Variants in ADAMTS12 observed in about 807,000 individuals in gnomAD.
ADAMTS12 encodes A disintegrin and metalloproteinase with thrombospondin motifs 12.
A neutral mutation model predicts 167.8 loss-of-function variants in ADAMTS12; 118 were observed. The ratio of observed to expected loss-of-function variants is 0.70; its 90% CI spans 0.61 to 0.82. The LOEUF (loss-of-function observed/expected upper bound fraction) is 0.82. ADAMTS12 is among the 40% of genes least tolerant of loss of function. The probability of loss-of-function intolerance (pLI) is 0.00; values close to 1 mark genes in which losing one functional copy is unlikely to be tolerated. For synonymous variants in ADAMTS12, 704 were observed against 716.9 expected (o/e 0.98, Z 0.29); for missense variants, 1,916 against 1,998.8 (o/e 0.96, Z 0.79).
chr5:33,660,155 G>A (rs1741203852), intron 6 of ADAMTS12, among the ~76,000 whole-genome samples: 1 of 152,170 alleles, frequency 6.6e-6, no homozygotes, highest in African/African-American at 2.4e-5. Flanking sequence ...AGGAGCTGTT[G>A]AGGTTCAACA....
At chr5:33,635,467 G>T (rs140221670) in intron 12 of ADAMTS12, among the ~76,000 whole-genome samples, 23 of 152,248 alleles carry the variant, frequency 1.5e-4, no homozygotes, top group African/African-American at 5.3e-4. Flanking sequence ...CTGAATTTGG[G>T]CAAGTTACAG....
chr5:33,881,560 C>T (rs1750445845), intron 1 of ADAMTS12, 80 bp from the exon 2 acceptor site: 7 of 1,481,042 alleles, frequency 4.7e-6, no homozygotes, highest in African/African-American at 1.7e-5. Flanking sequence ...AACTTGAATG[C>T]TAGCTTTTTT....
intron 3 of ADAMTS12, among the ~76,000 whole-genome samples, chr5:33,698,775 T>C (rs758932403): frequency 2.4e-4 from 36 of 152,194 alleles, no homozygotes; most frequent in Non-Finnish European, 4.4e-4. Context: ...CCGTCTCTAC[T>C]AAAAATACAA....
At chr5:33,559,063 G>C (rs764903408) in intron 20 of ADAMTS12, among the ~76,000 whole-genome samples, 1 of 152,150 alleles carries the variant, frequency 6.6e-6, no homozygotes, top group Non-Finnish European at 1.5e-5. Context: ...CTGTCTGATG[G>C]TAAGTCTGCC....
intron 5 of ADAMTS12, among the ~76,000 whole-genome samples, chr5:33,663,592 G>A: frequency 6.6e-6 from 1 of 152,082 alleles, no homozygotes; most frequent in East Asian, 1.9e-4. Flanking sequence ...TGTATAATAA[G>A]GGAAATTAAA....
At chr5:33,741,121 G>A (rs1234423289) in intron 3 of ADAMTS12, among the ~76,000 whole-genome samples, 3 of 152,306 alleles carry the variant, frequency 2.0e-5, no homozygotes, top group South Asian at 2.1e-4. Context: ...CACACACAGC[G>A]TAACTAAGTG....
chr5:33,568,964 T>A (rs1442489018), intron 19 of ADAMTS12, among the ~76,000 whole-genome samples: 1 of 152,124 alleles, frequency 6.6e-6, no homozygotes, highest in East Asian at 1.9e-4. Flanking sequence ...CCTTGGAGGG[T>A]CCTACGCCCA....
chr5:33,753,464 A>G (rs1407530287), intron 2 of ADAMTS12, among the ~76,000 whole-genome samples: 2 of 152,174 alleles, frequency 1.3e-5, no homozygotes, highest in Admixed American at 1.3e-4. Flanking sequence ...ACAAGAGGAA[A>G]ATGTGAGCCT....
chr5:33,784,120 A>G (rs564849211), intron 2 of ADAMTS12, among the ~76,000 whole-genome samples: 3 of 152,072 alleles, frequency 2.0e-5, no homozygotes, highest in Admixed American at 6.6e-5. Context: ...TGACCCTCTC[A>G]ATAGATGTAG....
intron 3 of ADAMTS12, among the ~76,000 whole-genome samples, chr5:33,709,185 T>C (rs1362619662): frequency 2.0e-5 from 3 of 152,100 alleles, no homozygotes; most frequent in Non-Finnish European, 4.4e-5. Flanking sequence ...ATGGTAATTA[T>C]TACAAAATCA....
intron 15 of ADAMTS12, among the ~76,000 whole-genome samples, chr5:33,615,293 C>A (rs77496541): frequency 0.023 from 3,556 of 152,276 alleles, 74 homozygotes; most frequent in African/African-American, 0.057. Flanking sequence ...GGATCTAACT[C>A]CTTGGCCATC....
chr5:33,767,252 T>C (rs1165743519), intron 2 of ADAMTS12, among the ~76,000 whole-genome samples: 1 of 152,208 alleles, frequency 6.6e-6, no homozygotes, highest in Non-Finnish European at 1.5e-5. Context: ...TTTAATATAA[T>C]CACAGTCATT....
At chr5:33,564,662 T>G (rs1731696108) in intron 19 of ADAMTS12, among the ~76,000 whole-genome samples, 1 of 152,182 alleles carries the variant, frequency 6.6e-6, no homozygotes, top group South Asian at 2.1e-4. Context: ...TCCTTCACTC[T>G]CATCTATTGG....
At chr5:33,555,863 C>T (rs879314344) in intron 20 of ADAMTS12, among the ~76,000 whole-genome samples, 3 of 152,178 alleles carry the variant, frequency 2.0e-5, no homozygotes, top group Admixed American at 2.0e-4. Flanking sequence ...CACAGTAGGT[C>T]AAGTCCTCCA....
chr5:33,643,342 C>A (rs759590177), intron 10 of ADAMTS12, 36 bp downstream of exon 10: 2 of 1,607,658 alleles, frequency 1.2e-6, no homozygotes, highest in Non-Finnish European at 1.7e-6. Flanking sequence ...CTCTGCCCAC[C>A]GCCCTCCCAC....
intron 13 of ADAMTS12, among the ~76,000 whole-genome samples, chr5:33,628,620 G>A (rs974951120): frequency 3.9e-5 from 6 of 152,064 alleles, no homozygotes; most frequent in Non-Finnish European, 8.8e-5. Flanking sequence ...GACAAACACT[G>A]CATACATTGT....
chr5:33,546,169 T>C lies in ADAMTS12; in HGVS notation c.4336A>G (p.Arg1446Gly), dbSNP rs1453580530. ...AGGCCTCCTGGACAGAACACTCCTCTCTCCTGAACTCCACCTCCACAGGAC... is the reference window on the plus strand; with the variant it reads ...AGGCCTCCTGGACAGAACACTCCTCCCTCCTGAACTCCACCTCCACAGGAC... ...SRSCGGGVQE[R>G]GVFCPGGLCD... Residue 1446 changes from arginine to glycine, a missense_variant, in exon 22 of 24, where the codon AGA becomes GGA. Arg to Gly is a moderately radical substitution (Grantham distance 125, BLOSUM62 -2). Transcript: ENST00000504830. The C allele has an allele frequency of 1.2e-6, 2 of 1,613,552 alleles. No individual in the cohort carries two copies. The highest frequency in any genetic ancestry group is 2.7e-5 in the African/African-American group (2 of 74,830).
chr5:33,805,373 T>C (rs2112478702), intron 2 of ADAMTS12, among the ~76,000 whole-genome samples: 1 of 152,342 alleles, frequency 6.6e-6, no homozygotes, highest in South Asian at 2.1e-4. Context: ...ATGTTGGAGA[T>C]ACATAAACTG....
chr5:33,618,381 C>T (rs1028507154), intron 14 of ADAMTS12, among the ~76,000 whole-genome samples: 21 of 152,268 alleles, frequency 1.4e-4, no homozygotes, highest in African/African-American at 4.6e-4. Context: ...AAATTCATTG[C>T]AATTTCTGTC....
Sources: allele counts gnomAD v4.1 joint callset (sites outside exome capture counted in the v4.1 genomes callset), GRCh38; gene constraint gnomAD v4.1.1; transcripts MANE v1.5; gene names NCBI Gene and HGNC (gene_info 2026-07-23, HGNC 2026-07-21).